The following TMC1 variants were observed in gnomAD, a reference collection of about 807,000 sequenced individuals.
TMC1 encodes the protein transmembrane channel-like protein 1.
A neutral mutation model predicts 105.8 loss-of-function variants in TMC1; 84 were observed. That is an observed-to-expected ratio of 0.79 (90% CI 0.67 to 0.95). The LOEUF (loss-of-function observed/expected upper bound fraction) is 0.95. Among genes scored for constraint, TMC1 ranks in the 40% least tolerant of loss-of-function variants. The probability of loss-of-function intolerance (pLI) is 0.00; values close to 1 mark genes in which losing one functional copy is unlikely to be tolerated. For missense variants in TMC1, 817 were observed against 914.1 expected (o/e 0.89, Z 1.37); for synonymous variants, 315 against 311.5 (o/e 1.01, Z -0.12).
chr9:72,733,176 A>G (rs1484231277), intron 8 of TMC1, among the ~76,000 whole-genome samples: 3 of 151,862 alleles, frequency 2.0e-5, no homozygotes, highest in African/African-American at 7.3e-5. Flanking sequence ...ATATCTACAG[A>G]TTATCTTCTG....
chr9:72,565,191 G>T (rs1381737561), intron 1 of TMC1, among the ~76,000 whole-genome samples: 3 of 152,058 alleles, frequency 2.0e-5, no homozygotes, highest in African/African-American at 7.2e-5. Flanking sequence ...TTTGACTAGA[G>T]GAACACAACA....
rs1266150349 is a variant in TMC1 at position 72,538,435 on chromosome 9, T to TTGTATTGTAC, written c.-428+16531_-428+16532insCTGTATTGTA. 4.0e-5 allele frequency among the ~76,000 whole-genome samples: 6 copies of TTGTATTGTAC among 148,498 alleles called. No homozygotes were observed. The East Asian group carries it at 1.2e-3, about 29-fold the overall frequency. ...TTGTATTGTATTGTATTGTATTGTA[T>TTGTATTGTAC]TGTATTGTATCGTATTTTTGAGACA... is the stretch of plus-strand genomic sequence containing the variant. On this transcript the variant is annotated intron_variant, in intron 1 of 23. Transcript: ENST00000297784.
chr9:72,751,884 C>G lies in TMC1; in HGVS notation c.570C>G (p.Leu190=), dbSNP rs1827585385. ...GCTCCTCAGTGGCCTCATACTTCCT[C>G]TTCTTGAGATGGATGTATGGAGTCA... ...QFGSSVASYF[L]FLRWMYGVNM... Residue 190 remains leucine, a synonymous_variant, in exon 11 of 24, where the codon CTC becomes CTG. Coordinates refer to ENST00000297784, the MANE Select transcript of TMC1 (RefSeq NM_138691.3). The G allele has an allele frequency of 1.2e-6, 2 of 1,613,404 alleles. No individual in the cohort carries two copies. The highest frequency in any genetic ancestry group is 2.2e-5 in the East Asian group (1 of 44,864).
intron 8 of TMC1, among the ~76,000 whole-genome samples, chr9:72,737,694 C>T (rs1028942379): frequency 3.9e-5 from 6 of 152,176 alleles, no homozygotes; most frequent in African/African-American, 1.4e-4. Flanking sequence ...CTGGCTGCCA[C>T]CCTCCCTCCT....
At chr9:72,605,329 T>C (rs1824894594) in intron 2 of TMC1, among the ~76,000 whole-genome samples, 1 of 152,214 alleles carries the variant, frequency 6.6e-6, no homozygotes, top group Non-Finnish European at 1.5e-5. Context: ...TGGGTGGTTC[T>C]GGCTCAAAGT....
chr9:72,691,925 C>T lies in TMC1; in HGVS notation c.65-2618C>T, dbSNP rs1399596627. Among the ~76,000 whole-genome samples, 3 of 152,150 alleles carry T rather than the reference C, an allele frequency of 2.0e-5. No homozygotes were observed. In the East Asian group the frequency reaches 5.8e-4, roughly 29 times the overall value. On this transcript the variant is annotated intron_variant, in intron 6 of 23. Transcript: ENST00000297784. ...AATTCAAAACTTCACCTTTGTTCTCCATGGCCCTGGGCCATTTAGAATATG... is the reference window on the plus strand; with the variant it reads ...AATTCAAAACTTCACCTTTGTTCTCTATGGCCCTGGGCCATTTAGAATATG...
intron 1 of TMC1, among the ~76,000 whole-genome samples, chr9:72,538,537 A>T (rs1327290799): frequency 6.6e-6 from 1 of 152,018 alleles, no homozygotes; most frequent in Non-Finnish European, 1.5e-5. Context: ...CCCCAGCTCA[A>T]GCGATTCTCC....
chr9:72,818,517 C>T (rs1017974379), intron 19 of TMC1, among the ~76,000 whole-genome samples: 1 of 152,146 alleles, frequency 6.6e-6, no homozygotes, highest in Admixed American at 6.6e-5. Context: ...TTGGACATTG[C>T]TCCAACACTG....
rs1339556115 is a variant in TMC1, at chr9:72,772,544, T to G, written c.873T>G (p.Val291=). The G allele has an allele frequency of 1.9e-6, 3 of 1,613,912 alleles. No homozygotes were observed. The highest frequency in any genetic ancestry group is 2.5e-6 in the Non-Finnish European group (3 of 1,179,800). Residue 291 remains valine, a synonymous_variant, in exon 13 of 24, where the codon GTT becomes GTG. Transcript: ENST00000297784. ...GIMCIGYSFL[V]VLKAMTKNIG... ...TGTGCATTGGATACAGCTTTCTGGT[T>G]GTCCTCAAAGCGTAAGTTTCATTTG...
chr9:72,528,676 C>T (rs1823447198), intron 1 of TMC1, among the ~76,000 whole-genome samples: 1 of 152,082 alleles, frequency 6.6e-6, no homozygotes, highest in African/African-American at 2.4e-5. Flanking sequence ...TGGACTAAAA[C>T]CCCCATCCTC....
rs187211873 is a variant in TMC1 at position 72,768,294 on chromosome 9, A to G, written c.742-4119A>G. ...ACAATGAGAACGCATGGACACAAGG[A>G]AGGGAACATCACACACTGGGGCCTG... On this transcript the variant is annotated intron_variant, in intron 12 of 23. Transcript: ENST00000297784. 4.3e-4 allele frequency among the ~76,000 whole-genome samples: 66 copies of G among 151,834 alleles called. 2 individuals are homozygous for G. The East Asian group carries it at 9.5e-3, about 22-fold the overall frequency.
chr9:72,619,809 T>TTTAA (rs146533760), intron 3 of TMC1, among the ~76,000 whole-genome samples: 1,760 of 151,060 alleles, frequency 0.012, 21 homozygotes, highest in Admixed American at 0.036. Flanking sequence ...ATTTAACTTA[T>TTTAA]TTAATTAATT....
chr9:72,667,698 T>G (rs1826065213), intron 5 of TMC1, among the ~76,000 whole-genome samples: 2 of 152,240 alleles, frequency 1.3e-5, no homozygotes, highest in Admixed American at 1.3e-4. Context: ...TTAAATTGCT[T>G]AGCAGTAAAA....
chr9:72,550,530 C>T (rs1219965783), intron 1 of TMC1, among the ~76,000 whole-genome samples: 1 of 151,700 alleles, frequency 6.6e-6, no homozygotes, highest in African/African-American at 2.4e-5. Flanking sequence ...AGCTGGCGGG[C>T]GCCTGTAATC....
chr9:72,702,088 A>G (rs1165378130), intron 8 of TMC1, among the ~76,000 whole-genome samples: 1 of 152,208 alleles, frequency 6.6e-6, no homozygotes, highest in African/African-American at 2.4e-5. Flanking sequence ...ACCTGGCAAA[A>G]TAGAAGTTTG....
chr9:72,533,203 T>G (rs1448845534), intron 1 of TMC1, among the ~76,000 whole-genome samples: 1 of 152,174 alleles, frequency 6.6e-6, no homozygotes, highest in Admixed American at 6.5e-5. Flanking sequence ...GAGCCCCTTT[T>G]TGTGGAATAT....
intron 2 of TMC1, among the ~76,000 whole-genome samples, chr9:72,588,901 G>A (rs1266914592): frequency 6.6e-6 from 1 of 151,414 alleles, no homozygotes; most frequent in African/African-American, 2.4e-5. Context: ...TCAGCCTCCC[G>A]AGTAGCTGGG....
intron 8 of TMC1, among the ~76,000 whole-genome samples, chr9:72,702,490 A>G (rs780926430): frequency 3.3e-5 from 5 of 152,206 alleles, no homozygotes; most frequent in Non-Finnish European, 5.9e-5. Context: ...GAGATAATTT[A>G]TGTAAAACAT....
At chr9:72,815,041 T>C (rs557961095) in intron 18 of TMC1, among the ~76,000 whole-genome samples, 1 of 152,126 alleles carries the variant, frequency 6.6e-6, no homozygotes, top group East Asian at 1.9e-4. Context: ...AATGTCTTGG[T>C]GTCTTTTTCG....
Sources: gnomAD v4.1 joint callset for allele counts (sites outside exome capture counted in the v4.1 genomes callset) on GRCh38, gnomAD v4.1.1 for gene constraint, MANE v1.5 for transcripts, NCBI Gene and HGNC (gene_info 2026-07-23, HGNC 2026-07-21) for gene names.